The following DISP1 variants were observed in gnomAD, a reference collection of about 807,000 sequenced individuals.
DISP1 encodes the protein protein dispatched homolog 1.
DISP1 carries 30 observed loss-of-function variants against 37.3 expected under a neutral mutation model. The observed-to-expected ratio is 0.80, with a 90% CI of 0.60 to 1.09. DISP1 has a LOEUF of 1.09. Among genes scored for constraint, DISP1 ranks in the 50% least tolerant of loss-of-function variants. The pLI, the probability that DISP1 is intolerant of heterozygous loss-of-function variation, is 0.00. For missense variants in DISP1, 1,598 were observed against 1,879.5 expected (o/e 0.85, Z 2.77); for synonymous variants, 634 against 690.2 (o/e 0.92, Z 1.28).
rs371368815 is a variant in DISP1, at chr1:222,943,279, G to A, written c.456G>A (p.Pro152=). The A allele has an allele frequency of 6.4e-5, 103 of 1,614,138 alleles. 1 individual carries two copies. Among genetic ancestry groups the A allele is most frequent in the South Asian group, 6.3e-4 (57 of 91,070 alleles). Residue 152 remains proline (P), a synonymous_variant, in exon 3 of 9, where the codon CCG becomes CCA. Coordinates refer to ENST00000675850, the MANE Select transcript of DISP1 (RefSeq NM_001377229.1). ...QPSPSFCLHH[P]WPDHFQHQPV... ...CTCCATCCTTCTGCCTGCATCATCC[G>A]TGGCCTGACCATTTTCAGCATCAGC...
intron 1 of DISP1, among the ~76,000 whole-genome samples, chr1:222,916,817 C>T (rs1672516915): frequency 6.6e-6 from 1 of 152,138 alleles, no homozygotes; most frequent in African/African-American, 2.4e-5. Context: ...CTTATCTTTT[C>T]ACAACCATCT....
intron 1 of DISP1, among the ~76,000 whole-genome samples, chr1:222,879,868 A>G (rs910861594): frequency 6.6e-6 from 1 of 152,152 alleles, no homozygotes; most frequent in Non-Finnish European, 1.5e-5. Flanking sequence ...TTAACACTAT[A>G]TTGTTGAAAA....
chr1:222,870,550 G>C (rs1050807637), intron 1 of DISP1, among the ~76,000 whole-genome samples: 1 of 152,144 alleles, frequency 6.6e-6, no homozygotes, highest in African/African-American at 2.4e-5. Flanking sequence ...GTGATGATGA[G>C]CATTTTTTCA....
Position 223,004,864 on chromosome 1 carries a change from A to C in DISP1, c.3467A>C (p.His1156Pro). ...AAACTACAGTGCAGTGCCTTTTCCC[A>C]TGCCTTGTCTACAAGTCCCAGTGAC... ...PKKLQCSAFS[H>P]ALSTSPSDKG... Residue 1156 changes from histidine to proline, a missense_variant, in exon 9 of 9, where the codon CAT (histidine) becomes CCT (proline). Transcript: ENST00000675850. This position sits in a 1 kb window ranked among gnomAD's most constrained non-coding sequence, Gnocchi z 4.9. 1.2e-6 allele frequency: 2 copies of C among 1,609,102 alleles called. No homozygotes were observed. The highest frequency in any genetic ancestry group is 1.7e-6 in the Non-Finnish European group (2 of 1,179,982).
intron 1 of DISP1, among the ~76,000 whole-genome samples, chr1:222,820,748 A>G (rs1017308166): frequency 6.6e-6 from 1 of 152,196 alleles, no homozygotes; most frequent in African/African-American, 2.4e-5. Flanking sequence ...TACCTACCGT[A>G]CATAGTCATT....
intron 1 of DISP1, among the ~76,000 whole-genome samples, chr1:222,909,525 T>C (rs1276035023): frequency 6.6e-6 from 1 of 152,222 alleles, no homozygotes; most frequent in Non-Finnish European, 1.5e-5. Context: ...TTTATCAGCA[T>C]TTATCAACTC....
At chr1:222,898,707 T>G (rs1373314406) in intron 1 of DISP1, among the ~76,000 whole-genome samples, 1 of 152,186 alleles carries the variant, frequency 6.6e-6, no homozygotes, top group African/African-American at 2.4e-5. Flanking sequence ...TTTTCAAATG[T>G]GTCACCCACA....
At chr1:222,825,578 G>A (rs535920434) in intron 1 of DISP1, among the ~76,000 whole-genome samples, 1 of 143,414 alleles carries the variant, frequency 7.0e-6, no homozygotes, top group South Asian at 2.2e-4. Flanking sequence ...TTGGCTCACT[G>A]CAACCTCTGC....
At chr1:222,868,945 A>T (rs1042104676) in intron 1 of DISP1, among the ~76,000 whole-genome samples, 1 of 152,204 alleles carries the variant, frequency 6.6e-6, no homozygotes, top group Non-Finnish European at 1.5e-5. Context: ...TAAAGTTAAC[A>T]TATTCACCAG....
At chr1:222,972,505 G>C (rs533242338) in intron 3 of DISP1, among the ~76,000 whole-genome samples, 1 of 152,124 alleles carries the variant, frequency 6.6e-6, no homozygotes, top group East Asian at 1.9e-4. Context: ...TCAATCTCTT[G>C]CTTCCCCTCA....
intron 1 of DISP1, among the ~76,000 whole-genome samples, chr1:222,834,861 A>T (rs140746647): frequency 1.3e-4 from 20 of 152,332 alleles, no homozygotes; most frequent in Non-Finnish European, 2.2e-4. Context: ...TTAAAGTAGA[A>T]TAATACTTAC....
intron 1 of DISP1, among the ~76,000 whole-genome samples, chr1:222,884,099 C>T (rs1670437953): frequency 6.6e-6 from 1 of 152,186 alleles, no homozygotes; most frequent in South Asian, 2.1e-4. Flanking sequence ...ACTTCCCAAA[C>T]TCCTGCCAGA....
intron 3 of DISP1, among the ~76,000 whole-genome samples, chr1:222,960,430 AAG>A (rs1675966594): frequency 6.6e-6 from 1 of 152,206 alleles, no homozygotes; most frequent in Non-Finnish European, 1.5e-5. Context: ...AATGAGAACA[AAG>A]AGACAACATG....
intron 3 of DISP1, among the ~76,000 whole-genome samples, chr1:222,977,548 T>A (rs982604594): frequency 6.2e-4 from 73 of 118,446 alleles, no homozygotes; most frequent in Admixed American, 1.9e-3. Flanking sequence ...TTTTTTTTTT[T>A]ATTATACTTT....
intron 1 of DISP1, among the ~76,000 whole-genome samples, chr1:222,852,488 T>C (rs1370380334): frequency 1.3e-5 from 2 of 152,146 alleles, no homozygotes; most frequent in African/African-American, 4.8e-5. Flanking sequence ...ATTACAGGCA[T>C]GAGCCACCGT....
intron 1 of DISP1, among the ~76,000 whole-genome samples, chr1:222,870,987 C>A (rs1443501402): frequency 6.6e-6 from 1 of 152,060 alleles, no homozygotes; most frequent in Non-Finnish European, 1.5e-5. Context: ...AGGAAGGGAT[C>A]CAGTTTCAGC....
intron 3 of DISP1, among the ~76,000 whole-genome samples, chr1:222,978,895 C>G (rs1014139937): frequency 6.6e-6 from 1 of 152,120 alleles, no homozygotes; most frequent in Admixed American, 6.6e-5. Context: ...TGTTTTGGTA[C>G]CAGTACCATG....
At chr1:222,902,615 AC>A (rs1431413403) in intron 1 of DISP1, among the ~76,000 whole-genome samples, 4 of 152,202 alleles carry the variant, frequency 2.6e-5, no homozygotes, top group Non-Finnish European at 4.4e-5. Context: ...CAAGAAAAAA[AC>A]AACCCCATAA....
At chr1:222,887,496 T>TATG (rs1212364643) in intron 1 of DISP1, among the ~76,000 whole-genome samples, 84 of 122,250 alleles carry the variant, frequency 6.9e-4, no homozygotes, top group South Asian at 1.4e-3. Context: ...GTTTTTTTTT[T>TATG]TTTTTTTTTT....
Sources: gnomAD v4.1 joint callset for allele counts (sites outside exome capture counted in the v4.1 genomes callset) on GRCh38, gnomAD v4.1.1 for gene constraint, Gnocchi (gnomAD v3.1) non-coding constraint, MANE v1.5 for transcripts, NCBI Gene and HGNC (gene_info 2026-07-23, HGNC 2026-07-21) for gene names.